The following TECRL variants were observed in gnomAD, a reference collection of about 807,000 sequenced individuals.
The protein encoded by TECRL is trans-2,3-enoyl-CoA reductase-like.
A neutral mutation model predicts 52.8 loss-of-function variants in TECRL; 63 were observed. The observed-to-expected ratio is 1.19, with a 90% CI of 0.97 to 1.47. The LOEUF is 1.47. Among genes scored for constraint, TECRL ranks in the 40% most tolerant of loss-of-function variants. The pLI, the probability that TECRL is intolerant of heterozygous loss-of-function variation, is 0.00. For synonymous variants in TECRL, 164 were observed against 141.9 expected, an observed-to-expected ratio of 1.16 and a Z score of -1.10; for missense variants, 482 against 429.6, an observed-to-expected ratio of 1.12 and a Z score of -1.08.
intron 9 of TECRL, among the ~76,000 whole-genome samples, chr4:64,286,007 C>T (rs886935862): frequency 2.0e-5 from 3 of 152,006 alleles, no homozygotes; most frequent in Non-Finnish European, 4.4e-5. Context: ...CTGTAAAAAA[C>T]TATGTTATTT....
At chr4:64,316,451 G>A (rs1717499420) in intron 4 of TECRL, among the ~76,000 whole-genome samples, 1 of 151,794 alleles carries the variant, frequency 6.6e-6, no homozygotes, top group Non-Finnish European at 1.5e-5. Context: ...AGTAACTTTT[G>A]GACAATGCAT....
intron 1 of TECRL, among the ~76,000 whole-genome samples, chr4:64,400,635 G>A (rs1724289133): frequency 6.6e-6 from 1 of 152,084 alleles, no homozygotes; most frequent in South Asian, 2.1e-4. Flanking sequence ...CTCATGAATG[G>A]TTTAGTACCA....
chr4:64,393,999 A>T (rs2109755709), intron 1 of TECRL, among the ~76,000 whole-genome samples: 1 of 152,220 alleles, frequency 6.6e-6, no homozygotes, highest in South Asian at 2.1e-4. Flanking sequence ...TGGAGTAAGA[A>T]AATTTGATAA....
intron 1 of TECRL, among the ~76,000 whole-genome samples, chr4:64,385,155 C>A (rs1314784506): frequency 2.6e-5 from 4 of 151,992 alleles, no homozygotes; most frequent in Admixed American, 1.3e-4. Context: ...CTCTGGTGAC[C>A]AGGTGGGCCA....
intron 2 of TECRL, among the ~76,000 whole-genome samples, chr4:64,367,315 T>C (rs1721668243): frequency 6.6e-6 from 1 of 151,900 alleles, no homozygotes; most frequent in African/African-American, 2.4e-5. Context: ...ATAAAATCAT[T>C]TGTACACCAA....
At chr4:64,302,186 C>G (rs1410139698) in intron 7 of TECRL, among the ~76,000 whole-genome samples, 1 of 151,300 alleles carries the variant, frequency 6.6e-6, no homozygotes, top group Non-Finnish European at 1.5e-5. Flanking sequence ...GGAAAATAAA[C>G]TCTAGTAGAA....
At chr4:64,303,298 G>C (rs528824267) in intron 7 of TECRL, among the ~76,000 whole-genome samples, 51 of 151,588 alleles carry the variant, frequency 3.4e-4, no homozygotes, top group African/African-American at 1.2e-3. Context: ...TCTGGGTCCT[G>C]TTATTTGTCA....
intron 8 of TECRL, chr4:64,298,978 T>C (rs11930994): frequency 0.92 from 139,539 of 151,042 alleles, 64,623 homozygotes; most frequent in East Asian, 1. Context: ...TATGCACAAT[T>C]GGAAAATTAC....
intron 9 of TECRL, among the ~76,000 whole-genome samples, chr4:64,288,298 G>A (rs1723185564): frequency 6.6e-6 from 1 of 152,092 alleles, no homozygotes; most frequent in South Asian, 2.1e-4. Context: ...TTGAAGATGA[G>A]GAGCATAGTG....
At chr4:64,310,350 T>C (rs1362673374) in intron 5 of TECRL, among the ~76,000 whole-genome samples, 6 of 152,228 alleles carry the variant, frequency 3.9e-5, no homozygotes, top group Non-Finnish European at 7.3e-5. Flanking sequence ...GAATAACTTT[T>C]TAATTGTCTG....
Position 64,322,691 on chromosome 4 carries a change from T to A in TECRL, c.433A>T (p.Thr145Ser). The change falls in exon 4 of 12, where the codon ACA becomes TCA. Residue 145 changes from threonine (T) to serine (S), a missense_variant and splice_region_variant. Transcript: ENST00000381210. ...TDLGQQVSWTTVFLAEYTGPL... is the reference protein window; with the variant it reads ...TDLGQQVSWTSVFLAEYTGPL... ...TTACATTTCAAATTAACACTTACTG[T>A]GGTCCAACTGACTTGTTGACCTAGG... is the stretch of plus-strand genomic sequence containing the variant. 6.3e-7 allele frequency: 1 copy of A among 1,589,664 alleles called. No individual in the cohort carries two copies. Among genetic ancestry groups the A allele is most frequent in the Non-Finnish European group, 8.6e-7 (1 of 1,167,620 alleles).
chr4:64,398,346 TG>T (rs1251703725), intron 1 of TECRL, among the ~76,000 whole-genome samples: 4 of 152,162 alleles, frequency 2.6e-5, no homozygotes, highest in Non-Finnish European at 5.9e-5. Flanking sequence ...TGTAGCCTGG[TG>T]GGAGGGAAAT....
In TECRL at chr4:64,279,733, G is replaced by C; in HGVS notation, c.*339C>G. On this transcript the variant is annotated 3_prime_UTR_variant, in exon 12 of 12. Coordinates refer to ENST00000381210, the MANE Select transcript of TECRL (RefSeq NM_001010874.5). ...CCTTTGGGAAATGTCTGTTCAGATCGCTTTTTCATTTGTTAATCAGATTTT... is the reference window on the plus strand; with the variant it reads ...CCTTTGGGAAATGTCTGTTCAGATCCCTTTTTCATTTGTTAATCAGATTTT... The C allele has an allele frequency of 1.1e-6, 1 of 916,408 alleles. No individual in the cohort carries two copies. Among genetic ancestry groups the C allele is most frequent in the Non-Finnish European group, 1.3e-6 (1 of 786,334 alleles). 56.8% of individuals were successfully genotyped at this position (916,408 alleles called of 1,614,324 possible).
At chr4:64,385,953 T>C (rs1033011280) in intron 1 of TECRL, among the ~76,000 whole-genome samples, 1 of 152,276 alleles carries the variant, frequency 6.6e-6, no homozygotes, top group East Asian at 1.9e-4. Flanking sequence ...ATTCAGAGCT[T>C]TCATGCCACT....
chr4:64,287,844 T>C (rs1723158147), intron 9 of TECRL, among the ~76,000 whole-genome samples: 1 of 152,164 alleles, frequency 6.6e-6, no homozygotes, highest in Non-Finnish European at 1.5e-5. Flanking sequence ...ATTTTCTTAA[T>C]TGAGTTCAAA....
chr4:64,374,056 T>TATATATATATATATATATATAGTAGATAC (rs1722185463), intron 2 of TECRL, among the ~76,000 whole-genome samples: 3 of 32,144 alleles, frequency 9.3e-5, no homozygotes, highest in Admixed American at 5.8e-4. Flanking sequence ...TAGATACATA[T>TATATATATATATATATATATAGTAGATAC]ATATATATAT....
intron 2 of TECRL, among the ~76,000 whole-genome samples, chr4:64,339,252 G>A (rs908968035): frequency 1.6e-5 from 2 of 128,788 alleles, no homozygotes; most frequent in African/African-American, 2.9e-5. Flanking sequence ...TTGGACACAG[G>A]AAGGGGAACA....
intron 4 of TECRL, 67 bp downstream of exon 4, chr4:64,322,621 TA>T: frequency 9.3e-7 from 1 of 1,079,264 alleles, no homozygotes; most frequent in East Asian, 2.7e-5. Flanking sequence ...TTGATAGAAT[TA>T]ATCTGTCAAT....
intron 1 of TECRL, among the ~76,000 whole-genome samples, chr4:64,406,736 G>T (rs1054752700): frequency 2.0e-5 from 3 of 151,944 alleles, no homozygotes; most frequent in African/African-American, 7.2e-5. Flanking sequence ...CACAAATGAT[G>T]TAACAGGGAT....
Sources: gnomAD v4.1 joint callset for allele counts (sites outside exome capture counted in the v4.1 genomes callset) on GRCh38, gnomAD v4.1.1 for gene constraint, MANE v1.5 for transcripts, NCBI Gene and HGNC (gene_info 2026-07-23, HGNC 2026-07-21) for gene names.